A4GALT: variants seen among roughly 807,000 people sequenced by gnomAD.
The protein encoded by A4GALT is alpha 1,4-galactosyltransferase (P1PK blood group).
For synonymous variants in A4GALT, 257 were observed against 220.7 expected, an observed-to-expected ratio of 1.16 and a Z score of -1.46; for missense variants, 512 against 486.0, an observed-to-expected ratio of 1.05 and a Z score of -0.50.
chr22:42,693,686 T>A lies in A4GALT; in HGVS notation c.266A>T (p.Asn89Ile). 1 of 1,568,434 alleles carries A rather than the reference T, an allele frequency of 6.4e-7. No individual in the cohort carries two copies. Among genetic ancestry groups the A allele is most frequent in the Non-Finnish European group, 8.6e-7 (1 of 1,157,174 alleles). Residue 89 changes from asparagine to isoleucine, a missense_variant, in exon 3 of 3, where the codon AAC becomes ATC. Coordinates refer to ENST00000642412, the MANE Select transcript of A4GALT (RefSeq NM_017436.7). ...CGAGCACATGAACAGGAAGTTGGGG[T>A]TGGTCCGGTCTGAAGTCTCCAGGAA... ...IFFLETSDRT[N>I]PNFLFMCSVE...
At chr22:42,695,063 G>C (rs1930828827) in intron 2 of A4GALT, 1 of 152,258 alleles carries the variant, frequency 6.6e-6, no homozygotes, top group South Asian at 2.1e-4. Flanking sequence ...TGGGGTCCCT[G>C]CTCTCACCAC....
At chr22:42,695,910 A>G (rs1298833937) in intron 1 of A4GALT, among the ~76,000 whole-genome samples, 1 of 151,752 alleles carries the variant, frequency 6.6e-6, no homozygotes, top group Non-Finnish European at 1.5e-5. Context: ...CTCACTTGAG[A>G]TCAGGAGTTC....
intron 1 of A4GALT, among the ~76,000 whole-genome samples, chr22:42,716,655 G>T (rs28992182): frequency 1.6e-3 from 242 of 152,210 alleles, no homozygotes; most frequent in African/African-American, 5.6e-3. Context: ...GCTGCACCAG[G>T]GCTAGGGGCT....
intron 1 of A4GALT, among the ~76,000 whole-genome samples, chr22:42,709,067 A>ATATATATATATATTTTTTTTTT (rs1180529043): frequency 6.2e-5 from 8 of 128,802 alleles, no homozygotes; most frequent in Admixed American, 1.6e-4. Context: ...ATATATATAT[A>ATATATATATATATTTTTTTTTT]TTTTTTTTAA....
intron 1 of A4GALT, chr22:42,718,506 C>T (rs1922398427): frequency 6.6e-6 from 1 of 152,150 alleles, no homozygotes; most frequent in Non-Finnish European, 1.5e-5. Flanking sequence ...TTCAAGTGAT[C>T]CACCCGCCTC....
In A4GALT at chr22:42,692,900, A is replaced by C. The variant is rs141010604; in HGVS notation, c.1052T>G (p.Met351Arg). 1.8e-5 allele frequency: 29 copies of C among 1,602,086 alleles called. No individual in the cohort carries two copies. Among genetic ancestry groups the C allele is most frequent in the Non-Finnish European group, 2.5e-5 (29 of 1,179,670 alleles). The change falls in exon 3 of 3, where the codon ATG (methionine) becomes AGG (arginine). Residue 351 changes from methionine to arginine, a missense_variant. Coordinates refer to ENST00000642412, the MANE Select transcript of A4GALT (RefSeq NM_017436.7). This position sits in a 1 kb window ranked among gnomAD's most constrained non-coding sequence, Gnocchi z 4.6. ...GACCTGGCGGGCCCCTCACAAGTACATTTTCATGGCCTCGTGCGTCGTGGG... is the reference window on the plus strand; with the variant it reads ...GACCTGGCGGGCCCCTCACAAGTACCTTTTCATGGCCTCGTGCGTCGTGGG... Reference protein sequence around the residue: ...YCPTTHEAMKMYL With the variant: ...YCPTTHEAMKRYL
At chr22:42,702,810 G>A (rs6002914) in intron 1 of A4GALT, among the ~76,000 whole-genome samples, 7,843 of 143,530 alleles carry the variant, frequency 0.055, 2,344 homozygotes, top group African/African-American at 0.22. Context: ...TGCCGAGGAC[G>A]CACCTGGTGG....
At chr22:42,694,018 C>T (rs1930737178) in intron 2 of A4GALT, 21 bp from the exon 3 acceptor site, 2 of 1,384,898 alleles carry the variant, frequency 1.4e-6, no homozygotes, top group Non-Finnish European at 2.0e-6. Context: ...TGAGCACCCG[C>T]CATCAGGGAG....
chr22:42,706,161 C>T (rs1384954124), intron 1 of A4GALT, among the ~76,000 whole-genome samples: 1 of 71,366 alleles, frequency 1.4e-5, no homozygotes, highest in Admixed American at 1.4e-4. Context: ...CGAGACCATC[C>T]TGGCTAACAC....
intron 1 of A4GALT, among the ~76,000 whole-genome samples, chr22:42,713,810 CAAAA>C (rs35353035): frequency 4.3e-5 from 4 of 93,160 alleles, no homozygotes; most frequent in Admixed American, 1.2e-4. Context: ...GAAACTCTGT[CAAAA>C]AAAAAAAAAA....
chr22:42,693,599 G>A lies in A4GALT; in HGVS notation c.353C>T (p.Pro118Leu), dbSNP rs766205721. ...CCGGGGCAGAGAGGCGTTGCCACCC[G>A]GAAGCCCTTTCATCAGGACCAGCAC... ...SHVLVLMKGL[P>L]GGNASLPRHL... Residue 118 changes from proline (P) to leucine (L), a missense_variant, in exon 3 of 3, where the codon CCG becomes CTG. Physicochemically the swap from Pro to Leu is moderately conservative, Grantham distance 98. Transcript: ENST00000642412. 84 of 1,613,594 alleles carry A rather than the reference G, an allele frequency of 5.2e-5. No individual in the cohort carries two copies. Among genetic ancestry groups the A allele is most frequent in the Non-Finnish European group, 6.7e-5 (79 of 1,180,026 alleles).
Position 42,720,840 on chromosome 22 carries a change from C to T in A4GALT, c.-231G>A. Reference sequence around the variant, plus strand: ...CGGGCGGCGGACAGCGGGGCCCCGGCGGGCGGGCGGCGCGGCGGCCGGAGG... The same window carrying T: ...CGGGCGGCGGACAGCGGGGCCCCGGTGGGCGGGCGGCGCGGCGGCCGGAGG... On this transcript the variant is annotated 5_prime_UTR_variant, in exon 1 of 3. Transcript: ENST00000642412. 1 of 138,942 alleles carries T rather than the reference C, an allele frequency of 7.2e-6. No individual in the cohort carries two copies. Among genetic ancestry groups the T allele is most frequent in the Non-Finnish European group, 1.6e-5 (1 of 61,460 alleles). The allele number at this position is 138,942 out of a possible 1,614,324, so 8.6% of individuals were successfully genotyped here. A position where few individuals can be genotyped will look rare whatever the true frequency, so the allele number is the denominator to read the frequency against.
In A4GALT at chr22:42,704,890, G is replaced by A. The variant is rs529996228; in HGVS notation, c.-187-9259C>T. On this transcript the variant is annotated intron_variant, in intron 1 of 2. Transcript: ENST00000642412. Reference sequence around the variant, plus strand: ...GCAATGGGGGGGGGCGGGGGGGGGCGGCGGAGGCGGGGGAGCTCAAGAGTG... The same window carrying A: ...GCAATGGGGGGGGGCGGGGGGGGGCAGCGGAGGCGGGGGAGCTCAAGAGTG... 2.2e-3 allele frequency among the ~76,000 whole-genome samples: 280 copies of A among 126,790 alleles called. 2 individuals are homozygous for A. The highest frequency in any genetic ancestry group is 8.3e-3 in the African/African-American group (268 of 32,168). 83.2% of individuals were successfully genotyped at this position (126,790 alleles called of 152,430 possible).
chr22:42,719,770 G>T (rs9611844), intron 1 of A4GALT, among the ~76,000 whole-genome samples: 1 of 152,096 alleles, frequency 6.6e-6, no homozygotes, highest in African/African-American at 2.4e-5. Flanking sequence ...GGAACGGGAA[G>T]GCCAGACCTG....
chr22:42,698,806 G>C (rs1351846866), intron 1 of A4GALT, among the ~76,000 whole-genome samples: 2 of 152,138 alleles, frequency 1.3e-5, no homozygotes, highest in Admixed American at 6.6e-5. Context: ...AGGTCATAAA[G>C]ACCTTGCTGA....
intron 1 of A4GALT, among the ~76,000 whole-genome samples, chr22:42,716,414 A>T (rs773278482): frequency 1.3e-5 from 2 of 152,146 alleles, no homozygotes; most frequent in Non-Finnish European, 2.9e-5. Flanking sequence ...TAATAGTAAC[A>T]ATGGCGTGTA....
chr22:42,704,106 A>G (rs1474872906), intron 1 of A4GALT, among the ~76,000 whole-genome samples: 3 of 152,112 alleles, frequency 2.0e-5, no homozygotes, highest in Non-Finnish European at 2.9e-5. Context: ...TAGCCCCACA[A>G]TCTTTCAAGG....
At chr22:42,698,172 C>CGGGAGGCAGA (rs1036356335) in intron 1 of A4GALT, among the ~76,000 whole-genome samples, 2 of 150,662 alleles carry the variant, frequency 1.3e-5, no homozygotes, top group Non-Finnish European at 2.9e-5. Flanking sequence ...CGCTTGAACT[C>CGGGAGGCAGA]GGGAGGCAGA....
chr22:42,694,690 A>G (rs1380525916), intron 2 of A4GALT: 2 of 152,358 alleles, frequency 1.3e-5, no homozygotes, highest in African/African-American at 4.8e-5. Flanking sequence ...AGACTGTGGG[A>G]ACACCTGGGA....
Sources: allele counts gnomAD v4.1 joint callset (sites outside exome capture counted in the v4.1 genomes callset), GRCh38; gene constraint gnomAD v4.1.1; non-coding constraint Gnocchi (gnomAD v3.1); transcripts MANE v1.5; gene names NCBI Gene and HGNC (gene_info 2026-07-23, HGNC 2026-07-21).